IQANK1: variants seen among roughly 807,000 people sequenced by gnomAD.
IQANK1 encodes IQ motif and ankyrin repeat containing 1.
Under a neutral mutation model 22.6 loss-of-function variants are expected in IQANK1, and 30 were observed. The observed-to-expected ratio is 1.33, with a 90% CI of 0.99 to 1.80. The LOEUF is 1.80. IQANK1 is among the 40% of genes most tolerant of loss of function. IQANK1 has a pLI of 0.00. For synonymous variants in IQANK1, 122 were observed against 99.6 expected, an observed-to-expected ratio of 1.23 and a Z score of -1.34; for missense variants, 275 against 235.2, an observed-to-expected ratio of 1.17 and a Z score of -1.11.
At chr8:143,788,543 C>T (rs781885894) in intron 7 of IQANK1, among the ~76,000 whole-genome samples, 3 of 152,244 alleles carry the variant, frequency 2.0e-5, no homozygotes, top group Non-Finnish European at 4.4e-5. Context: ...CAGCCTCCTA[C>T]TCAGGAAGCA....
chr8:143,737,263 G>T (rs1770695138), intron 2 of IQANK1, among the ~76,000 whole-genome samples: 1 of 152,184 alleles, frequency 6.6e-6, no homozygotes, highest in Non-Finnish European at 1.5e-5. Context: ...CAGGGGTGGG[G>T]GCTGTGCTCT....
intron 3 of IQANK1, chr8:143,743,158 G>A (rs1196764967): frequency 1.5e-5 from 6 of 407,472 alleles, no homozygotes; most frequent in African/African-American, 1.2e-4. Context: ...CGTGCTGTGG[G>A]TTTCCTTCCC....
intron 3 of IQANK1, among the ~76,000 whole-genome samples, chr8:143,757,400 G>A (rs955316089): frequency 5.3e-5 from 8 of 150,144 alleles, no homozygotes; most frequent in Admixed American, 3.3e-4. Flanking sequence ...GCAGTGGTGC[G>A]AGCTTGGCTC....
At chr8:143,762,296 T>G (rs1587482959) in intron 3 of IQANK1, among the ~76,000 whole-genome samples, 5 of 133,662 alleles carry the variant, frequency 3.7e-5, no homozygotes, top group Admixed American at 7.9e-5. Context: ...GCAACAAGAG[T>G]GAAACTCCAT....
intron 7 of IQANK1, among the ~76,000 whole-genome samples, chr8:143,772,896 G>A (rs186579459): frequency 1.2e-3 from 185 of 152,324 alleles, no homozygotes; most frequent in Non-Finnish European, 2.2e-3. Context: ...GGGGCAGCAC[G>A]GGGCCCACCC....
intron 7 of IQANK1, among the ~76,000 whole-genome samples, chr8:143,785,934 C>A (rs544394848): frequency 2.6e-4 from 40 of 152,208 alleles, no homozygotes; most frequent in Non-Finnish European, 4.0e-4. Flanking sequence ...ACCACGTTGG[C>A]CAGGCTGGTC....
At position 143,790,371 on chromosome 8, in the gene IQANK1, C is replaced by T; in HGVS notation, c.1446C>T (p.Phe482=). Residue 482 remains phenylalanine, a synonymous_variant, in exon 14 of 14, where the codon TTC becomes TTT. Transcript: ENST00000527139. The part of the protein sequence containing the change: ...GALRYGKPLV[F]DLREEDLFPV... ...GCAGGTATGGGAAGCCGCTGGTGTT[C>T]GACCTGCGAGAGGAAGACCTGTTCC... The T allele has an allele frequency of 9.4e-7, 1 of 1,061,840 alleles. No homozygotes were observed. The highest frequency in any genetic ancestry group is 1.2e-6 in the Non-Finnish European group (1 of 833,296). 65.8% of individuals were successfully genotyped at this position (1,061,840 alleles called of 1,614,324 possible). A position where few individuals can be genotyped will look rare whatever the true frequency, so the allele number is the denominator to read the frequency against.
intron 10 of IQANK1, 62 bp from the exon 11 acceptor site, chr8:143,789,699 G>A: frequency 8.2e-7 from 1 of 1,220,712 alleles, no homozygotes; most frequent in Non-Finnish European, 1.0e-6. Flanking sequence ...AGCTCGGGCA[G>A]CTGCCCTCTC....
intron 3 of IQANK1, among the ~76,000 whole-genome samples, chr8:143,749,288 AATAT>A (rs1563770780): frequency 8.2e-6 from 1 of 121,624 alleles, no homozygotes; most frequent in African/African-American, 3.4e-5. Flanking sequence ...TATATATAAA[AATAT>A]ATAATATATA....
chr8:143,753,711 T>C (rs1422585739), intron 3 of IQANK1, among the ~76,000 whole-genome samples: 2 of 152,180 alleles, frequency 1.3e-5, no homozygotes, highest in Non-Finnish European at 2.9e-5. Context: ...TGCCTCGGCC[T>C]CCCAAAATGT....
chr8:143,770,689 T>C (rs1458150513), intron 3 of IQANK1, among the ~76,000 whole-genome samples: 1 of 152,236 alleles, frequency 6.6e-6, no homozygotes, highest in African/African-American at 2.4e-5. Context: ...GGTACCCGCG[T>C]GGCCCGACAG....
intron 7 of IQANK1, among the ~76,000 whole-genome samples, chr8:143,785,003 G>A (rs1554631201): frequency 6.6e-6 from 1 of 152,104 alleles, no homozygotes; most frequent in African/African-American, 2.4e-5. Flanking sequence ...GCTGCATCTA[G>A]CTAGTTATTA....
At chr8:143,781,569 T>C (rs966309096) in intron 7 of IQANK1, among the ~76,000 whole-genome samples, 4 of 152,354 alleles carry the variant, frequency 2.6e-5, no homozygotes, top group African/African-American at 9.6e-5. Context: ...CACGGTTTAT[T>C]GAATATGGAG....
intron 3 of IQANK1, among the ~76,000 whole-genome samples, chr8:143,748,743 AAT>A (rs1554627571): frequency 5.7e-5 from 6 of 105,962 alleles, no homozygotes; most frequent in East Asian, 2.5e-4. Context: ...TAAATATATA[AAT>A]ATATATCATA....
intron 2 of IQANK1, among the ~76,000 whole-genome samples, chr8:143,737,798 T>A (rs1818781725): frequency 6.6e-6 from 1 of 152,160 alleles, no homozygotes; most frequent in Non-Finnish European, 1.5e-5. Context: ...CAGCCATAGC[T>A]GCTCCTCCCG....
intron 3 of IQANK1, among the ~76,000 whole-genome samples, chr8:143,749,582 A>AT (rs1554627816): frequency 6.5e-4 from 84 of 129,432 alleles, no homozygotes; most frequent in African/African-American, 2.2e-3. Flanking sequence ...ATATATATAT[A>AT]TTTTATTTAT....
intron 3 of IQANK1, among the ~76,000 whole-genome samples, chr8:143,747,273 C>A (rs1461439323): frequency 6.6e-6 from 1 of 152,186 alleles, no homozygotes; most frequent in Non-Finnish European, 1.5e-5. Context: ...GTTAGTCCAT[C>A]TAGCTAAAAG....
chr8:143,773,315 AAC>A (rs1563777402), intron 7 of IQANK1, among the ~76,000 whole-genome samples: 1 of 139,996 alleles, frequency 7.1e-6, no homozygotes, highest in African/African-American at 3.2e-5. Context: ...AAAAAAAAAA[AAC>A]AAAAAAAACA....
intron 3 of IQANK1, among the ~76,000 whole-genome samples, chr8:143,757,481 C>T (rs1252051117): frequency 2.6e-5 from 4 of 152,040 alleles, no homozygotes; most frequent in Admixed American, 1.3e-4. Context: ...AGACTATAGG[C>T]GCCCGCCACC....
Sources: allele counts gnomAD v4.1 joint callset (sites outside exome capture counted in the v4.1 genomes callset), GRCh38; gene constraint gnomAD v4.1.1; transcripts MANE v1.5; gene names NCBI Gene and HGNC (gene_info 2026-07-23, HGNC 2026-07-21).